LRRIQ1: variants seen among roughly 807,000 people sequenced by gnomAD.
LRRIQ1 encodes leucine-rich repeat- and IQ domain-containing protein 1.
In LRRIQ1, 210 loss-of-function variants were observed where a neutral mutation model predicts 211.9. That is an observed-to-expected ratio of 0.99 (90% CI 0.89 to 1.11). The LOEUF (loss-of-function observed/expected upper bound fraction) is 1.11. LRRIQ1 is among the 50% of genes most tolerant of loss of function. The pLI, the probability that LRRIQ1 is intolerant of heterozygous loss-of-function variation, is 0.00. For synonymous variants in LRRIQ1, 699 were observed against 650.1 expected (o/e 1.08, Z -1.14); for missense variants, 2,136 against 1,939.5 (o/e 1.10, Z -1.90).
downstream of LRRIQ1, among the ~76,000 whole-genome samples, chr12:85,248,585 G>T (rs1895803871): frequency 6.6e-6 from 1 of 151,620 alleles, no homozygotes; most frequent in Admixed American, 6.6e-5. Flanking sequence ...CTGTAATAGT[G>T]AGTAATCAGA....
intron 15 of LRRIQ1, among the ~76,000 whole-genome samples, chr12:85,111,473 C>T (rs1264833143): frequency 6.6e-6 from 1 of 152,028 alleles, no homozygotes; most frequent in African/African-American, 2.4e-5. Context: ...GTCATATCAC[C>T]AAACCTACTT....
intron 11 of LRRIQ1, among the ~76,000 whole-genome samples, chr12:85,080,230 T>G (rs1338666204): frequency 6.6e-6 from 1 of 151,992 alleles, no homozygotes; most frequent in Non-Finnish European, 1.5e-5. Context: ...TTTTCCATTT[T>G]TGAGATTTTT....
chr12:85,224,729 T>G (rs2137149357), intron 24 of LRRIQ1, among the ~76,000 whole-genome samples: 6 of 92,692 alleles, frequency 6.5e-5, no homozygotes, highest in South Asian at 4.3e-4. Context: ...CAGTTGGGCA[T>G]GTTGAGGGGT....
At chr12:85,160,900 T>C (rs1025272957) in intron 24 of LRRIQ1, among the ~76,000 whole-genome samples, 186 bp downstream of exon 24, 2 of 152,058 alleles carry the variant, frequency 1.3e-5, no homozygotes, top group Non-Finnish European at 2.9e-5. Context: ...TGCTGAAATA[T>C]TGATATAGTC....
intron 1 of LRRIQ1, among the ~76,000 whole-genome samples, chr12:85,250,773 A>AAT (rs559309387): frequency 2.5e-4 from 30 of 121,310 alleles, no homozygotes; most frequent in Non-Finnish European, 3.7e-4. Flanking sequence ...GAATATGGAA[A>AAT]ATATATATAT....
intron 19 of LRRIQ1, among the ~76,000 whole-genome samples, chr12:85,151,110 A>G (rs967089642): frequency 2.0e-5 from 3 of 151,394 alleles, no homozygotes; most frequent in African/African-American, 7.3e-5. Context: ...AACCAAATAT[A>G]TATTAAACCA....
chr12:85,173,370 GT>G (rs1891512767), intron 24 of LRRIQ1, among the ~76,000 whole-genome samples: 2 of 152,146 alleles, frequency 1.3e-5, no homozygotes, highest in African/African-American at 4.8e-5. Flanking sequence ...GCTGATATAT[GT>G]GTCCTAGTGA....
At chr12:85,252,242 G>A (rs561728538) in intron 1 of LRRIQ1, among the ~76,000 whole-genome samples, 2 of 151,820 alleles carry the variant, frequency 1.3e-5, no homozygotes, top group South Asian at 4.1e-4. Flanking sequence ...GATTTTTAAT[G>A]TCCCAATCCA....
chr12:85,098,151 C>A (rs1348395251), intron 11 of LRRIQ1, among the ~76,000 whole-genome samples: 2 of 151,994 alleles, frequency 1.3e-5, no homozygotes, highest in Non-Finnish European at 2.9e-5. Flanking sequence ...TTATGTCATT[C>A]AAAAATATGT....
intron 1 of LRRIQ1, among the ~76,000 whole-genome samples, chr12:85,260,617 C>G (rs1445190963): frequency 2.0e-5 from 3 of 152,150 alleles, no homozygotes; most frequent in Non-Finnish European, 4.4e-5. Flanking sequence ...CCTTCTCCCT[C>G]TACCTCCACC....
intron 15 of LRRIQ1, among the ~76,000 whole-genome samples, chr12:85,108,320 A>T (rs181247612): frequency 6.6e-6 from 1 of 152,182 alleles, no homozygotes; most frequent in East Asian, 1.9e-4. Context: ...TTTTTTCCAG[A>T]TGTCTCATAT....
At position 85,121,837 on chromosome 12, in the gene LRRIQ1, A is replaced by C. The variant is rs761667370; in HGVS notation, c.3518A>C (p.Glu1173Ala). 2.5e-6 allele frequency: 4 copies of C among 1,607,422 alleles called. No individual in the cohort carries two copies. In the African/African-American group the frequency reaches 5.4e-5, roughly 22 times the overall value. ...GCACTTTGTCAGTCTCAGATTCGAGAATTCAACTTGCTAATTGAAAATTAT... is the reference window on the plus strand; with the variant it reads ...GCACTTTGTCAGTCTCAGATTCGAGCATTCAACTTGCTAATTGAAAATTAT... ...FLALCQSQIR[E>A]FNLLIENYIT... is the part of the protein sequence containing the mutation. The change falls in exon 16 of 27, where the codon GAA becomes GCA. Residue 1173 changes from glutamate (E) to alanine (A), a missense_variant. By Grantham distance (107) the Glu-to-Ala change is moderately radical. Coordinates refer to ENST00000393217, the MANE Select transcript of LRRIQ1 (RefSeq NM_001079910.2).
chr12:85,095,339 A>G (rs1433446291), intron 11 of LRRIQ1, among the ~76,000 whole-genome samples: 1 of 152,170 alleles, frequency 6.6e-6, no homozygotes, highest in Non-Finnish European at 1.5e-5. Context: ...GTTGGATTTT[A>G]TCAAAAGCTT....
chr12:85,061,087 T>C (rs902064940), intron 8 of LRRIQ1, among the ~76,000 whole-genome samples: 2 of 151,864 alleles, frequency 1.3e-5, no homozygotes, highest in African/African-American at 4.8e-5. Context: ...AAGTAAAGTA[T>C]GAGAGCTATA....
intron 24 of LRRIQ1, among the ~76,000 whole-genome samples, chr12:85,183,698 A>G (rs1892096984): frequency 1.3e-5 from 2 of 152,170 alleles, no homozygotes. Context: ...TAGAAGAAAC[A>G]TAGCATAAAG....
intron 13 of LRRIQ1, among the ~76,000 whole-genome samples, chr12:85,101,384 T>C (rs932543595): frequency 6.6e-6 from 1 of 151,804 alleles, no homozygotes; most frequent in African/African-American, 2.4e-5. Context: ...ACTCTCTGGC[T>C]TTATAAGCCT....
At chr12:85,040,462 C>A (rs779300946) in intron 2 of LRRIQ1, 28 bp from the exon 3 acceptor site, 4 of 1,341,858 alleles carry the variant, frequency 3.0e-6, no homozygotes, top group South Asian at 1.4e-5. Flanking sequence ...AACACTTTCA[C>A]AGTTTCTTGT....
At chr12:85,069,925 C>T (rs1274599817) in intron 10 of LRRIQ1, among the ~76,000 whole-genome samples, 1 of 151,940 alleles carries the variant, frequency 6.6e-6, no homozygotes, top group Non-Finnish European at 1.5e-5. Context: ...TTTTGCTGTG[C>T]AGAAGCTCTT....
At chr12:85,191,161 G>A (rs1892492354) in intron 24 of LRRIQ1, among the ~76,000 whole-genome samples, 1 of 151,738 alleles carries the variant, frequency 6.6e-6, no homozygotes, top group East Asian at 1.9e-4. Context: ...ACCTATACTG[G>A]CACATCATTA....
Sources: allele counts gnomAD v4.1 joint callset (sites outside exome capture counted in the v4.1 genomes callset), GRCh38; gene constraint gnomAD v4.1.1; transcripts MANE v1.5; gene names NCBI Gene and HGNC (gene_info 2026-07-23, HGNC 2026-07-21).